Variants in DLL3 observed in about 807,000 individuals in gnomAD.
DLL3 encodes delta like canonical Notch ligand 3.
A neutral mutation model predicts 55.0 loss-of-function variants in DLL3; 49 were observed. The ratio of observed to expected loss-of-function variants is 0.89; its 90% CI spans 0.71 to 1.13. DLL3 has a LOEUF of 1.13. DLL3 is among the 50% of genes most tolerant of loss of function. The pLI is 0.00. For missense variants in DLL3, 962 were observed against 875.5 expected (o/e 1.10, Z -1.25); for synonymous variants, 421 against 385.2 (o/e 1.09, Z -1.09).
At chr19:39,507,684 A>C (rs1043822603) in intron 7 of DLL3, 66 bp downstream of exon 7, 1 of 1,586,938 alleles carries the variant, frequency 6.3e-7, no homozygotes, top group Non-Finnish European at 8.6e-7. Context: ...TCCGTGGTGC[A>C]GTTGGCCCGA....
chr19:39,501,904 G>A (rs2144758154), intron 3 of DLL3, among the ~76,000 whole-genome samples: 1 of 152,274 alleles, frequency 6.6e-6, no homozygotes. Context: ...TCTGGGTCAA[G>A]GCCCGGCGCG....
At chr19:39,503,964 C>T (rs1353025690) in intron 4 of DLL3, 107 bp from the exon 5 acceptor site, 10 of 1,052,392 alleles carry the variant, frequency 9.5e-6, no homozygotes, top group Non-Finnish European at 8.6e-6. Flanking sequence ...AAAGATGAAG[C>T]AAGGTGGCTC....
chr19:39,507,105 G>T lies in DLL3; in HGVS notation c.1160G>T (p.Arg387Leu), dbSNP rs751674309. 14 of 1,543,048 alleles carry T rather than the reference G, an allele frequency of 9.1e-6. No homozygotes were observed. Among genetic ancestry groups the T allele is most frequent in the South Asian group, 2.4e-5 (2 of 84,830 alleles). The change falls in exon 7 of 9, where the codon CGC (arginine) becomes CTC (leucine). Residue 387 changes from arginine to leucine, a missense_variant. Arg to Leu is a moderately radical substitution (Grantham distance 102). Transcript: ENST00000356433. ...CRCRAGFAGP[R>L]CEHDLDDCAG... is the part of the protein sequence containing the mutation. ...TGCCGCGCCGGCTTCGCGGGTCCTC[G>T]CTGCGAGCACGACCTGGACGACTGC...
Position 39,505,414 on chromosome 19 carries a change from G to T in DLL3, c.1056G>T (p.Lys352Asn), listed in dbSNP as rs376526613. The T allele has an allele frequency of 9.0e-5, 145 of 1,613,990 alleles. 1 individual carries two copies. The highest frequency in any genetic ancestry group is 1.2e-4 in the Non-Finnish European group (141 of 1,180,022). The change falls in exon 6 of 9, where the codon AAG becomes AAT. Residue 352 changes from lysine (K) to asparagine (N), a missense_variant. Lys to Asn is a moderately conservative substitution (Grantham distance 94). Transcript: ENST00000356433. ...PPGFQGSNCE[K>N]RVDRCSLQPC... ...GTTTCCAAGGCTCCAACTGTGAGAA[G>T]AGGGTGGACCGGTGCAGCCTGCAGC...
At position 39,499,404 on chromosome 19, in the gene DLL3, C is replaced by G; in HGVS notation, c.282C>G (p.Pro94=). The change falls in exon 2 of 9, where the codon CCC becomes CCG. Residue 94 remains proline (P), a synonymous_variant. Coordinates refer to ENST00000356433, the MANE Select transcript of DLL3 (RefSeq NM_203486.3). The part of the protein sequence containing the change: ...SARGPVYTEQ[P]GAPAPDLPLP... The stretch of plus-strand genomic sequence containing the variant: ...GCGGACCGGTCTACACCGAGCAGCC[C>G]GGAGCGCCCGCGCCTGATCTCCCAC... 1 of 1,583,258 alleles carries G rather than the reference C, an allele frequency of 6.3e-7. No homozygotes were observed. The highest frequency in any genetic ancestry group is 1.1e-5 in the South Asian group (1 of 88,394).
chr19:39,502,080 G>C (rs548152700), intron 3 of DLL3, among the ~76,000 whole-genome samples: 1 of 151,066 alleles, frequency 6.6e-6, no homozygotes. Flanking sequence ...CCAGCTACTC[G>C]GGAGGCTGAG....
Position 39,507,279 on chromosome 19 carries a change from A to T in DLL3, c.1334A>T (p.Tyr445Phe), listed in dbSNP as rs1323742974. 3 of 1,538,136 alleles carry T rather than the reference A, an allele frequency of 2.0e-6. No individual in the cohort carries two copies. Among genetic ancestry groups the T allele is most frequent in the South Asian group, 2.4e-5 (2 of 84,490 alleles). Residue 445 changes from tyrosine to phenylalanine, a missense_variant, in exon 7 of 9, where the codon TAC becomes TTC. Transcript: ENST00000356433. ...CCCTGTGCTCACGGCGGCCGCTGCT[A>T]CGCCCACTTCTCCGGCCTCGTCTGC... is the stretch of plus-strand genomic sequence containing the variant. Reference protein sequence around the residue: ...ARPCAHGGRCYAHFSGLVCAC... With the variant: ...ARPCAHGGRCFAHFSGLVCAC...
At chr19:39,503,241 T>G (rs1320331103) in intron 4 of DLL3, among the ~76,000 whole-genome samples, 184 bp downstream of exon 4, 1 of 152,116 alleles carries the variant, frequency 6.6e-6, no homozygotes, top group African/African-American at 2.4e-5. Flanking sequence ...CTGCTGCGGA[T>G]GTATCCCAAA....
rs1399804270 is a variant in DLL3 at position 39,507,605 on chromosome 19, G to T, written c.1660G>T (p.Gly554Trp). 4 of 1,607,576 alleles carry T rather than the reference G, an allele frequency of 2.5e-6. No homozygotes were observed. The highest frequency in any genetic ancestry group is 3.4e-6 in the Non-Finnish European group (4 of 1,177,652). ...CAACCTAAGGACGCAGGAGGGTTCC[G>T]GGGATGGTCCGAGGTGAGGGGCTGC... Reference protein sequence around the residue: ...LNNLRTQEGSGDGPSSSVDWN... With the variant: ...LNNLRTQEGSWDGPSSSVDWN... Residue 554 changes from glycine to tryptophan, a missense_variant, in exon 7 of 9, where the codon GGG becomes TGG. Transcript: ENST00000356433.
intron 6 of DLL3, among the ~76,000 whole-genome samples, chr19:39,506,072 C>G (rs1004442280): frequency 6.6e-6 from 1 of 151,858 alleles, no homozygotes; most frequent in African/African-American, 2.4e-5. Flanking sequence ...ATTAGCCGGG[C>G]GTGATGGCAG....
In DLL3 at chr19:39,499,051, C is replaced by T. The variant is rs1414095370; in HGVS notation, c.69+8C>T. 6.2e-7 allele frequency: 1 copy of T among 1,614,082 alleles called. No individual in the cohort carries two copies. Among genetic ancestry groups the T allele is most frequent in the South Asian group, 1.1e-5 (1 of 91,078 alleles). ...CTCATTTTCCTCCCCCAGGTCAGAG[C>T]CAGGTGGGAGGTGGCGTGGAAAGGG... On this transcript the variant is annotated splice_region_variant and intron_variant, in intron 1 of 8. Transcript: ENST00000356433.
Position 39,507,136 on chromosome 19 carries a change from C to T in DLL3, c.1191C>T (p.Gly397=). The T allele has an allele frequency of 1.3e-6, 2 of 1,516,182 alleles. No homozygotes were observed. Among genetic ancestry groups the T allele is most frequent in the Non-Finnish European group, 1.8e-6 (2 of 1,140,148 alleles). 93.9% of individuals were successfully genotyped at this position (1,516,182 alleles called of 1,614,324 possible). A position where few individuals can be genotyped will look rare whatever the true frequency, so the allele number is the denominator to read the frequency against. Reference sequence around the variant, plus strand: ...AGCACGACCTGGACGACTGCGCGGGCCGCGCCTGCGCTAACGGCGGCACGT... The same window carrying T: ...AGCACGACCTGGACGACTGCGCGGGTCGCGCCTGCGCTAACGGCGGCACGT... ...RCEHDLDDCA[G]RACANGGTCV... is the part of the protein sequence containing the mutation. The change falls in exon 7 of 9, where the codon GGC becomes GGT. Residue 397 remains glycine, a synonymous_variant. Coordinates refer to ENST00000356433, the MANE Select transcript of DLL3 (RefSeq NM_203486.3).
Position 39,507,897 on chromosome 19 carries a change from T to A in DLL3, c.1741T>A (p.Ser581Thr). The A allele has an allele frequency of 6.2e-7, 1 of 1,614,122 alleles. No individual in the cohort carries two copies. ...PQGIYVISAP[S>T]IYAREA Reference sequence around the variant, plus strand: ...AGGGATTTATGTCATATCTGCTCCTTCCATCTACGCTCGGGAGGTAGCGAC... The same window carrying A: ...AGGGATTTATGTCATATCTGCTCCTACCATCTACGCTCGGGAGGTAGCGAC... The change falls in exon 8 of 9, where the codon TCC (serine) becomes ACC (threonine). Residue 581 changes from serine (S) to threonine (T), a missense_variant. Coordinates refer to ENST00000356433, the MANE Select transcript of DLL3 (RefSeq NM_203486.3).
chr19:39,507,727 T>A (rs979856034), intron 7 of DLL3, 103 bp from the exon 8 acceptor site: 1 of 1,601,610 alleles, frequency 6.2e-7, no homozygotes, highest in Non-Finnish European at 8.5e-7. Flanking sequence ...CGGTCTCTCT[T>A]ACCCCGGTAG....
At position 39,507,030 on chromosome 19, in the gene DLL3, T is replaced by A. The variant is rs2144763849; in HGVS notation, c.1094-9T>A. ...CGGACTGCGCCCTCTGATGCTCCCT[T>A]CCCCACAGGCGGACTCTGCCTGGAC... On this transcript the variant is annotated splice_polypyrimidine_tract_variant and intron_variant, in intron 6 of 8. Transcript: ENST00000356433. The A allele has an allele frequency of 2.0e-6, 3 of 1,533,870 alleles. No individual in the cohort carries two copies. The highest frequency in any genetic ancestry group is 2.6e-6 in the Non-Finnish European group (3 of 1,146,516).
chr19:39,506,971 G>T (rs1422192630), intron 6 of DLL3, 68 bp from the exon 7 acceptor site: 10 of 1,488,712 alleles, frequency 6.7e-6, no homozygotes, highest in Non-Finnish European at 9.0e-6. Flanking sequence ...TGACAGAGCT[G>T]GGAAACAGCG....
At chr19:39,503,994 C>T in intron 4 of DLL3, 77 bp from the exon 5 acceptor site, 3 of 1,455,496 alleles carry the variant, frequency 2.1e-6, no homozygotes, top group Non-Finnish European at 2.9e-6. Context: ...GCTCAGAAAC[C>T]TCCCTGCTTT....
Position 39,502,855 on chromosome 19 carries a change from G to A in DLL3, c.450G>A (p.Arg150=), listed in dbSNP as rs1256526741. 4 of 1,414,328 alleles carry A rather than the reference G, an allele frequency of 2.8e-6. No individual in the cohort carries two copies. The African/African-American group carries it at 6.0e-5, about 21-fold the overall frequency. 87.6% of individuals were successfully genotyped at this position (1,414,328 alleles called of 1,614,324 possible). A position where few individuals can be genotyped will look rare whatever the true frequency, so the allele number is the denominator to read the frequency against. ...WSLLARVAGR[R]RLAAGGPWAR... ...TGCTGGCGCGCGTGGCTGGCAGGCG[G>A]CGCTTGGCAGCCGGAGGCCCGTGGG... Residue 150 remains arginine (R), a synonymous_variant, in exon 4 of 9, where the codon CGG becomes CGA. Transcript: ENST00000356433.
intron 6 of DLL3, among the ~76,000 whole-genome samples, chr19:39,506,787 T>C (rs966820896): frequency 6.6e-6 from 1 of 151,924 alleles, no homozygotes; most frequent in African/African-American, 2.4e-5. Context: ...CTGTCTACTA[T>C]TGAAGTATGA....
Sources: allele counts gnomAD v4.1 joint callset (sites outside exome capture counted in the v4.1 genomes callset), GRCh38; gene constraint gnomAD v4.1.1; transcripts MANE v1.5; gene names NCBI Gene and HGNC (gene_info 2026-07-23, HGNC 2026-07-21).